The following DCAF6 variants were observed in gnomAD, a reference collection of about 807,000 sequenced individuals.
DCAF6 encodes the protein DDB1 and CUL4 associated factor 6.
A neutral mutation model predicts 125.1 loss-of-function variants in DCAF6; 54 were observed. That is an observed-to-expected ratio of 0.43 (90% CI 0.35 to 0.54). The LOEUF (loss-of-function observed/expected upper bound fraction) is 0.54. DCAF6 is among the 20% of genes least tolerant of loss of function. The pLI is 0.01. For missense variants in DCAF6, 934 were observed against 1,161.7 expected (o/e 0.80, Z 2.85); for synonymous variants, 371 against 390.4 (o/e 0.95, Z 0.58).
intron 8 of DCAF6, among the ~76,000 whole-genome samples, chr1:168,003,370 T>G (rs1441172541): frequency 1.3e-5 from 2 of 152,228 alleles, no homozygotes; most frequent in Non-Finnish European, 2.9e-5. Context: ...TGGTTCCAGT[T>G]AATTTCAAAT....
At position 168,030,680 on chromosome 1, in the gene DCAF6, A is replaced by G. The variant is rs377349337; in HGVS notation, c.1609+7633A>G. Among the ~76,000 whole-genome samples, 15 of 152,374 alleles carry G rather than the reference A, an allele frequency of 9.8e-5. No homozygotes were observed. In the East Asian group the frequency reaches 2.7e-3, roughly 27 times the overall value. On this transcript the variant is annotated intron_variant, in intron 12 of 21. Coordinates refer to ENST00000367840, the MANE Select transcript of DCAF6 (RefSeq NM_001198956.2). ...ACACAGGGATTGAGGAGGAATCCAG[A>G]GTATAAGTTGCAGTAACAACTTCAG...
the DCAF6 span, among the ~76,000 whole-genome samples, chr1:167,916,293 G>A: frequency 3.9e-5 from 6 of 152,240 alleles, no homozygotes; most frequent in East Asian, 1.9e-4. Flanking sequence ...TGCAACCTCC[G>A]CCTCCTGGGT....
chr1:168,046,807 A>C (rs955901941), intron 16 of DCAF6, among the ~76,000 whole-genome samples: 1 of 152,150 alleles, frequency 6.6e-6, no homozygotes, highest in Admixed American at 6.5e-5. Flanking sequence ...AGATTCTATA[A>C]TTAAGCTTGT....
chr1:168,068,304 G>T, intron 20 of DCAF6, 54 bp from the exon 21 acceptor site: 1 of 1,335,504 alleles, frequency 7.5e-7, no homozygotes, highest in South Asian at 1.2e-5. Context: ...GATCTTCAAG[G>T]AAAAAATACA....
the DCAF6 span, among the ~76,000 whole-genome samples, chr1:167,908,424 G>A: frequency 7.9e-5 from 12 of 152,110 alleles, no homozygotes; most frequent in African/African-American, 2.4e-4. Context: ...TGAGATGTTG[G>A]TGGCTGAAGG....
At chr1:167,910,045 C>T in the DCAF6 span, among the ~76,000 whole-genome samples, 1 of 152,178 alleles carries the variant, frequency 6.6e-6, no homozygotes, top group Non-Finnish European at 1.5e-5. Flanking sequence ...CAGCTCTAAG[C>T]CCTTAAAAGG....
chr1:167,907,964 G>T, the DCAF6 span, among the ~76,000 whole-genome samples: 1 of 152,186 alleles, frequency 6.6e-6, no homozygotes, highest in African/African-American at 2.4e-5. Flanking sequence ...CTTTGATAAA[G>T]ATATAATTGA....
the DCAF6 span, among the ~76,000 whole-genome samples, chr1:167,928,492 T>TATAAA: frequency 6.6e-6 from 1 of 152,182 alleles, no homozygotes; most frequent in Admixed American, 6.5e-5. Context: ...ATAAAACAGA[T>TATAAA]ACAGAGGCTG....
chr1:167,907,971 T>C, the DCAF6 span, among the ~76,000 whole-genome samples: 1 of 152,148 alleles, frequency 6.6e-6, no homozygotes, highest in East Asian at 1.9e-4. Context: ...AAAGATATAA[T>C]TGAAAGTACG....
At chr1:167,877,931 C>T in the DCAF6 span, among the ~76,000 whole-genome samples, 1 of 152,148 alleles carries the variant, frequency 6.6e-6, no homozygotes, top group Non-Finnish European at 1.5e-5. Flanking sequence ...TTGTATGTCA[C>T]TGCAAAGATT....
intron 1 of DCAF6, among the ~76,000 whole-genome samples, chr1:167,946,117 C>T (rs1467823318): frequency 9.2e-5 from 14 of 151,602 alleles, no homozygotes; most frequent in African/African-American, 2.7e-4. Context: ...CCACCACACC[C>T]GGCTAATTTT....
chr1:167,930,015 G>A, the DCAF6 span, among the ~76,000 whole-genome samples: 7 of 152,012 alleles, frequency 4.6e-5, no homozygotes, highest in Non-Finnish European at 1.0e-4. Context: ...AATATGTAAA[G>A]GTTAATCTTT....
the DCAF6 span, among the ~76,000 whole-genome samples, chr1:167,925,064 G>A: frequency 2.0e-5 from 3 of 152,064 alleles, no homozygotes; most frequent in Non-Finnish European, 2.9e-5. Flanking sequence ...CAAACTACTT[G>A]CCTTTAGCCT....
In DCAF6 at chr1:168,065,492, T is replaced by TGC. The variant is rs1572165963; in HGVS notation, c.2440-97_2440-96insCG. Reference sequence around the variant, plus strand: ...TTTTCTAAGCCAGTTTTTTAAAAAATGTAAGAATTAAAACAAATAAAAAAA... The same window carrying TGC: ...TTTTCTAAGCCAGTTTTTTAAAAAATGCGTAAGAATTAAAACAAATAAAAAAA... On this transcript the variant is annotated intron_variant, in intron 18 of 21. Transcript: ENST00000367840. The TGC allele has an allele frequency of 5.1e-6, 5 of 975,850 alleles. No individual in the cohort carries two copies. The East Asian group carries it at 1.3e-4, about 26-fold the overall frequency. 60.4% of individuals were successfully genotyped at this position (975,850 alleles called of 1,614,324 possible).
At chr1:167,986,955 C>CTATTAA (rs755943265) in intron 4 of DCAF6, among the ~76,000 whole-genome samples, 1 of 152,110 alleles carries the variant, frequency 6.6e-6, no homozygotes, top group Non-Finnish European at 1.5e-5. Context: ...TAAAGTTTGA[C>CTATTAA]ATTTAAACTA....
intron 21 of DCAF6, 53 bp downstream of exon 21, chr1:168,068,516 ATTAT>A (rs1692628860): frequency 1.5e-5 from 14 of 922,242 alleles, no homozygotes; most frequent in East Asian, 1.3e-4. Flanking sequence ...AAAATATATT[ATTAT>A]TTAAGATCTG....
At chr1:168,052,967 C>T (rs1690141585) in intron 17 of DCAF6, among the ~76,000 whole-genome samples, 2 of 152,178 alleles carry the variant, frequency 1.3e-5, no homozygotes, top group African/African-American at 4.8e-5. Flanking sequence ...ATTGGTCATG[C>T]TGTCTACATT....
chr1:167,935,920 T>C, upstream of DCAF6: 1 of 1,117,078 alleles, frequency 9.0e-7, no homozygotes, highest in Admixed American at 2.0e-5. Flanking sequence ...GGGGAGCTAG[T>C]CACTTTTCCT....
At chr1:168,067,354 G>A (rs1167764735) in intron 20 of DCAF6, among the ~76,000 whole-genome samples, 1 of 152,202 alleles carries the variant, frequency 6.6e-6, no homozygotes, top group Admixed American at 6.5e-5. Flanking sequence ...ACATACTGTA[G>A]TGGGGTCTGT....
Sources: allele counts gnomAD v4.1 joint callset (sites outside exome capture counted in the v4.1 genomes callset), GRCh38; gene constraint gnomAD v4.1.1; transcripts MANE v1.5; gene names NCBI Gene and HGNC (gene_info 2026-07-23, HGNC 2026-07-21).